CFAP299: variants seen among roughly 807,000 people sequenced by gnomAD.
CFAP299 encodes cilia- and flagella-associated protein 299.
CFAP299 carries 21 observed loss-of-function variants against 27.0 expected under a neutral mutation model. The observed-to-expected ratio is 0.78, with a 90% confidence interval of 0.55 to 1.12. The LOEUF is 1.12. Ranked by LOEUF, CFAP299 falls within the 50% of genes most tolerant of loss-of-function variation. The pLI, the probability that CFAP299 is intolerant of heterozygous loss-of-function variation, is 0.00. For missense variants in CFAP299, 310 were observed against 276.6 expected (o/e 1.12, Z -0.86); for synonymous variants, 104 against 98.1 (o/e 1.06, Z -0.36).
At chr4:80,622,765 G>A (rs919929124) in intron 3 of CFAP299, among the ~76,000 whole-genome samples, 2 of 152,076 alleles carry the variant, frequency 1.3e-5, no homozygotes, top group South Asian at 2.1e-4. Context: ...TTGTGAGTGG[G>A]TCTACAGCTG....
At chr4:80,481,311 A>T (rs1730556093) in intron 2 of CFAP299, among the ~76,000 whole-genome samples, 1 of 152,090 alleles carries the variant, frequency 6.6e-6, no homozygotes. Context: ...ATTATCAACC[A>T]CTACCAATAA....
intron 4 of CFAP299, among the ~76,000 whole-genome samples, chr4:80,921,219 A>G (rs1484721333): frequency 6.6e-6 from 1 of 152,138 alleles, no homozygotes; most frequent in African/African-American, 2.4e-5. Flanking sequence ...TGATTTGATA[A>G]AGATAAATAA....
intron 2 of CFAP299, among the ~76,000 whole-genome samples, chr4:80,519,286 G>A (rs1458720402): frequency 1.3e-5 from 2 of 151,886 alleles, no homozygotes; most frequent in Non-Finnish European, 2.9e-5. Context: ...GGCTCACTGC[G>A]ATCTCTGCCT....
intron 4 of CFAP299, among the ~76,000 whole-genome samples, chr4:80,926,877 A>G (rs1038602018): frequency 5.9e-5 from 9 of 152,074 alleles, no homozygotes; most frequent in African/African-American, 2.2e-4. Flanking sequence ...AAGACCTTCA[A>G]AAGGAGATAT....
chr4:80,577,219 A>T (rs1735914284), intron 2 of CFAP299, among the ~76,000 whole-genome samples: 1 of 152,170 alleles, frequency 6.6e-6, no homozygotes, highest in Non-Finnish European at 1.5e-5. Flanking sequence ...GATTATAATG[A>T]AGTTATAAAT....
intron 2 of CFAP299, among the ~76,000 whole-genome samples, chr4:80,393,910 A>T (rs1484535914): frequency 6.6e-6 from 1 of 152,092 alleles, no homozygotes; most frequent in Non-Finnish European, 1.5e-5. Flanking sequence ...ATTGATCTTG[A>T]CACGTGATCC....
chr4:80,915,365 T>C (rs1211371118), intron 4 of CFAP299, among the ~76,000 whole-genome samples: 1 of 152,058 alleles, frequency 6.6e-6, no homozygotes, highest in Non-Finnish European at 1.5e-5. Context: ...TCTTACCCTT[T>C]TTTCTCTGCA....
chr4:80,705,095 A>G (rs1435283114), intron 3 of CFAP299, among the ~76,000 whole-genome samples: 1 of 151,774 alleles, frequency 6.6e-6, no homozygotes, highest in Non-Finnish European at 1.5e-5. Context: ...TGGAAAGAAG[A>G]GAGAAAAACA....
intron 2 of CFAP299, among the ~76,000 whole-genome samples, chr4:80,409,324 GA>G (rs1726593614): frequency 6.6e-6 from 1 of 152,010 alleles, no homozygotes; most frequent in Non-Finnish European, 1.5e-5. Context: ...GCAGGTGTCA[GA>G]AAATGTGTTT....
intron 2 of CFAP299, among the ~76,000 whole-genome samples, chr4:80,383,483 A>G (rs1724814876): frequency 6.6e-6 from 1 of 152,200 alleles, no homozygotes; most frequent in Admixed American, 6.5e-5. Context: ...AAGGAATCAT[A>G]TAGTGAGAAC....
intron 3 of CFAP299, among the ~76,000 whole-genome samples, chr4:80,864,467 T>TAC (rs1732579668): frequency 7.0e-6 from 1 of 143,448 alleles, no homozygotes; most frequent in African/African-American, 2.6e-5. Flanking sequence ...AGTATATATA[T>TAC]ACCTATGTGT....
At chr4:80,518,314 A>G (rs982195509) in intron 2 of CFAP299, among the ~76,000 whole-genome samples, 1 of 152,150 alleles carries the variant, frequency 6.6e-6, no homozygotes. Flanking sequence ...AGCACTACAT[A>G]AGCCATTAAA....
intron 2 of CFAP299, among the ~76,000 whole-genome samples, chr4:80,532,290 A>G (rs1417339039): frequency 1.3e-5 from 2 of 152,228 alleles, no homozygotes; most frequent in African/African-American, 2.4e-5. Context: ...ATTAGCATGT[A>G]GAAGGATGCA....
rs540967315 is a variant in CFAP299 at position 80,719,953 on chromosome 4, GACAC to G, written c.333+136771_333+136774del. Among the ~76,000 whole-genome samples, 162 of 152,220 alleles carry G rather than the reference GACAC, an allele frequency of 1.1e-3. 1 individual carries two copies. The highest frequency in any genetic ancestry group is 3.7e-3 in the African/African-American group (152 of 41,560). On this transcript the variant is annotated intron_variant, in intron 3 of 5. Transcript: ENST00000358105. ...TGACATTCAGTGTCAGAAAACAAAG[GACAC>G]TGGTTTCTGAGAGATGGGAAACAAA...
At chr4:80,386,406 G>A (rs1724996820) in intron 2 of CFAP299, 2 of 1,541,428 alleles carry the variant, frequency 1.3e-6, no homozygotes, top group African/African-American at 1.4e-5. Context: ...ACCAGCCCCT[G>A]TGTCCTTCAT....
upstream of CFAP299, among the ~76,000 whole-genome samples, chr4:80,334,666 CTT>C (rs761832291): frequency 3.9e-4 from 59 of 152,222 alleles, no homozygotes; most frequent in South Asian, 8.3e-4. Flanking sequence ...CCCAAAATAT[CTT>C]TAAAAACATG....
chr4:80,322,337 C>T, the CFAP299 span, among the ~76,000 whole-genome samples: 1 of 152,152 alleles, frequency 6.6e-6, no homozygotes, highest in Non-Finnish European at 1.5e-5. Context: ...ACAACCACAA[C>T]AATTCACAAC....
rs191073849 is a variant in CFAP299 at position 80,419,903 on chromosome 4, T to C, written c.242+57019T>C. Among the ~76,000 whole-genome samples the C allele has an allele frequency of 1.5e-3, 235 of 152,222 alleles. 1 individual carries two copies. The highest frequency in any genetic ancestry group is 5.3e-3 in the African/African-American group (221 of 41,542). ...TTACCTTTGCCCTCTGAAAGTTTGC[T>C]GGGAAATTAACTGACAACAGGCAGA... On this transcript the variant is annotated intron_variant, in intron 2 of 5. Transcript: ENST00000358105.
At chr4:80,888,309 C>T (rs781501292) in intron 4 of CFAP299, among the ~76,000 whole-genome samples, 14 of 151,620 alleles carry the variant, frequency 9.2e-5, no homozygotes, top group Non-Finnish European at 1.8e-4. Flanking sequence ...TCCATGCTAA[C>T]GGAAACCAAA....
Sources: gnomAD v4.1 joint callset for allele counts (sites outside exome capture counted in the v4.1 genomes callset) on GRCh38, gnomAD v4.1.1 for gene constraint, MANE v1.5 for transcripts, NCBI Gene and HGNC (gene_info 2026-07-23, HGNC 2026-07-21) for gene names.